ROCK1: variants seen among roughly 807,000 people sequenced by gnomAD.
ROCK1 encodes the protein Rho associated coiled-coil containing protein kinase 1.
Under a neutral mutation model 196.8 loss-of-function variants are expected in ROCK1, and 36 were observed. The ratio of observed to expected loss-of-function variants is 0.18; its 90% CI spans 0.14 to 0.24. The LOEUF (loss-of-function observed/expected upper bound fraction) is 0.24, where lower values mean the gene tolerates loss of function less well. Among genes scored for constraint, ROCK1 ranks in the 10% least tolerant of loss-of-function variants. The pLI, the probability that ROCK1 is intolerant of heterozygous loss-of-function variation, is 1.00. For missense variants in ROCK1, 920 were observed against 1,562.0 expected (o/e 0.59, Z 6.93); for synonymous variants, 443 against 515.9 (o/e 0.86, Z 1.91).
chr18:20,994,388 C>T (rs1027732731), intron 16 of ROCK1, among the ~76,000 whole-genome samples: 1 of 151,948 alleles, frequency 6.6e-6, no homozygotes, highest in Admixed American at 6.6e-5. Context: ...AATCTCAGCA[C>T]TTTGGGAGGC....
chr18:20,990,728 A>T (rs1171145357), intron 18 of ROCK1, among the ~76,000 whole-genome samples: 5 of 146,662 alleles, frequency 3.4e-5, no homozygotes, highest in African/African-American at 1.3e-4. Flanking sequence ...AAAGGAAAGT[A>T]TCAAAAGGAA....
At chr18:20,975,891 G>T (rs551780403) in intron 22 of ROCK1, among the ~76,000 whole-genome samples, 1 of 152,096 alleles carries the variant, frequency 6.6e-6, no homozygotes, top group African/African-American at 2.4e-5. Flanking sequence ...GATTACAGGC[G>T]TGAGCCACCA....
chr18:21,094,965 G>A (rs780741366), intron 1 of ROCK1, among the ~76,000 whole-genome samples: 17 of 147,812 alleles, frequency 1.2e-4, no homozygotes, highest in Non-Finnish European at 1.9e-4. Flanking sequence ...CAGGAGAATC[G>A]CTTGAACCTG....
chr18:20,951,913 G>A (rs1303703722), intron 32 of ROCK1, among the ~76,000 whole-genome samples: 1 of 152,122 alleles, frequency 6.6e-6, no homozygotes, highest in African/African-American at 2.4e-5. Context: ...TAGGGAAGGT[G>A]GTATGTGGTA....
At position 20,946,992 on chromosome 18, in the gene ROCK1, A is replaced by G. The variant is rs536509850; in HGVS notation, c.*4392T>C. On this transcript the variant is annotated 3_prime_UTR_variant, in exon 33 of 33. Coordinates refer to ENST00000399799, the MANE Select transcript of ROCK1 (RefSeq NM_005406.3). ...AGGATTAACATACAAGTGTCACTTT[A>G]TTCACAATCTTTGCATTATACACTT... 5 of 152,366 alleles carry G rather than the reference A, an allele frequency of 3.3e-5. No individual in the cohort carries two copies. The highest frequency in any genetic ancestry group is 3.3e-4 in the Admixed American group (5 of 15,298). The allele number at this position is 152,366 out of a possible 1,614,324, so 9.4% of individuals were successfully genotyped here.
chr18:21,085,342 T>TGAAAAAAAAAAAA (rs1568405805), intron 1 of ROCK1, among the ~76,000 whole-genome samples: 1 of 2,424 alleles, frequency 4.1e-4, no homozygotes, highest in Non-Finnish European at 1.2e-3. Flanking sequence ...CAACCCCATT[T>TGAAAAAAAAAAAA]CAAAAAAAAA....
chr18:21,008,333 A>G (rs1272498274), intron 13 of ROCK1, 139 bp from the exon 14 acceptor site: 1 of 580,662 alleles, frequency 1.7e-6, no homozygotes, highest in Non-Finnish European at 2.8e-6. Flanking sequence ...TTCAAACGCA[A>G]ATAGTATCTC....
chr18:21,101,797 G>A (rs1359793730), intron 1 of ROCK1, among the ~76,000 whole-genome samples: 1 of 151,540 alleles, frequency 6.6e-6, no homozygotes, highest in East Asian at 1.9e-4. Flanking sequence ...AATATAAACT[G>A]GGAATTAATG....
In ROCK1 at chr18:21,008,154, A is replaced by G; in HGVS notation, c.1451T>C (p.Ile484Thr). 2 of 1,594,514 alleles carry G rather than the reference A, an allele frequency of 1.3e-6. No homozygotes were observed. Among genetic ancestry groups the G allele is most frequent in the Non-Finnish European group, 1.7e-6 (2 of 1,169,002 alleles). ...RRNLESTVSQ[I>T]EKEKMLLQHR... ...CTGTAGCAACATTTTCTCCTTCTCAATCTGAGACACTGTAGATTCTAGATT... is the reference window on the plus strand; with the variant it reads ...CTGTAGCAACATTTTCTCCTTCTCAGTCTGAGACACTGTAGATTCTAGATT... The change falls in exon 14 of 33, where the codon ATT becomes ACT. Residue 484 changes from isoleucine to threonine, a missense_variant. By Grantham distance (89) the Ile-to-Thr change is moderately conservative. This residue lies in a region of ROCK1 where 520 missense variants were observed against 657.1 expected (regional missense o/e 0.79). Transcript: ENST00000399799.
chr18:21,017,336 C>T (rs528507279), intron 12 of ROCK1, among the ~76,000 whole-genome samples: 3 of 151,890 alleles, frequency 2.0e-5, no homozygotes, highest in East Asian at 3.9e-4. Context: ...GGACTACAGG[C>T]GCCCGCCACC....
intron 2 of ROCK1, among the ~76,000 whole-genome samples, chr18:21,051,282 T>C (rs1303183346): frequency 6.6e-6 from 1 of 152,106 alleles, no homozygotes; most frequent in Admixed American, 6.5e-5. Flanking sequence ...ACCCTGTCTC[T>C]ACAAAAAATA....
At chr18:21,051,390 G>A (rs1598544301) in intron 2 of ROCK1, among the ~76,000 whole-genome samples, 1 of 152,178 alleles carries the variant, frequency 6.6e-6, no homozygotes, top group Admixed American at 6.5e-5. Context: ...GGACGTGAAG[G>A]TTGCAGTGAG....
rs552074406 is a variant in ROCK1 at position 21,003,816 on chromosome 18, G to A, written c.1885+2535C>T. On this transcript the variant is annotated intron_variant, in intron 16 of 32. Transcript: ENST00000399799. ...ATGACATTCAAGGATTTCAGATTTGGGATACTCAACTGGTAAGTATACATA... is the reference window on the plus strand; with the variant it reads ...ATGACATTCAAGGATTTCAGATTTGAGATACTCAACTGGTAAGTATACATA... Among the ~76,000 whole-genome samples, 32 of 151,704 alleles carry A rather than the reference G, an allele frequency of 2.1e-4. No homozygotes were observed. The East Asian group carries it at 4.3e-3, about 20-fold the overall frequency.
At chr18:21,106,818 AACTT>A (rs1200580779) in intron 1 of ROCK1, among the ~76,000 whole-genome samples, 1 of 152,198 alleles carries the variant, frequency 6.6e-6, no homozygotes, top group Non-Finnish European at 1.5e-5. Flanking sequence ...ATGAAGATTG[AACTT>A]ACTTAGTTCT....
intron 18 of ROCK1, among the ~76,000 whole-genome samples, chr18:20,989,446 T>A (rs2035604444): frequency 6.6e-6 from 1 of 152,202 alleles, no homozygotes; most frequent in Non-Finnish European, 1.5e-5. Flanking sequence ...ATCCAGACTG[T>A]AGTAGGTTAA....
chr18:21,066,593 C>A (rs562173872), intron 2 of ROCK1, among the ~76,000 whole-genome samples: 2 of 152,294 alleles, frequency 1.3e-5, no homozygotes, highest in African/African-American at 2.4e-5. Context: ...TTTCTTCATA[C>A]CCTTTTCTAA....
intron 1 of ROCK1, among the ~76,000 whole-genome samples, chr18:21,099,497 A>G (rs1424888597): frequency 1.3e-5 from 2 of 152,106 alleles, no homozygotes; most frequent in Non-Finnish European, 2.9e-5. Context: ...TAATCCCAAC[A>G]CTTTGGGGGG....
chr18:21,045,207 G>C (rs954915671), intron 5 of ROCK1, 85 bp downstream of exon 5: 1 of 1,210,546 alleles, frequency 8.3e-7, no homozygotes. Context: ...AAGAAGAATG[G>C]GTGAACTGAG....
intron 4 of ROCK1, 90 bp downstream of exon 4, chr18:21,048,997 ATTCTC>A (rs2036183095): frequency 6.2e-6 from 7 of 1,129,024 alleles, no homozygotes; most frequent in Non-Finnish European, 8.2e-6. Flanking sequence ...CTGCCAGTAA[ATTCTC>A]TACTACTATT....
Sources: allele counts gnomAD v4.1 joint callset (sites outside exome capture counted in the v4.1 genomes callset), GRCh38; gene constraint gnomAD v4.1.1; regional missense constraint gnomAD v4.1.1; transcripts MANE v1.5; gene names NCBI Gene and HGNC (gene_info 2026-07-23, HGNC 2026-07-21).